The following MANBAL variants were observed in gnomAD, a reference collection of about 807,000 sequenced individuals.
The protein encoded by MANBAL is mannosidase beta like, also known as protein MANBAL.
In MANBAL, 1 loss-of-function variant was observed where a neutral mutation model predicts 6.4. The ratio of observed to expected loss-of-function variants is 0.16; its 90% confidence interval spans 0.06 to 0.74. The LOEUF is 0.74. Among genes scored for constraint, MANBAL ranks in the 30% least tolerant of loss-of-function variants. The probability of loss-of-function intolerance (pLI) is 0.78; values close to 1 mark genes in which losing one functional copy is unlikely to be tolerated. For synonymous variants in MANBAL, 47 were observed against 45.8 expected (o/e 1.03, Z -0.10); for missense variants, 100 against 107.8 (o/e 0.93, Z 0.32).
At chr20:37,314,603 C>T (rs1176674998) in intron 2 of MANBAL, among the ~76,000 whole-genome samples, 5 of 152,142 alleles carry the variant, frequency 3.3e-5, no homozygotes, top group Non-Finnish European at 7.4e-5. Context: ...ACCTTCAGAT[C>T]ATTTTGATTT....
chr20:37,296,092 G>C (rs960266794), intron 1 of MANBAL, among the ~76,000 whole-genome samples: 16 of 152,220 alleles, frequency 1.1e-4, no homozygotes, highest in African/African-American at 3.9e-4. Flanking sequence ...TTGGCCACAT[G>C]TGGCTTTTTA....
Position 37,304,824 on chromosome 20 carries a change from G to A in MANBAL, c.150+3411G>A, listed in dbSNP as rs531504531. On this transcript the variant is annotated intron_variant, in intron 2 of 2. Transcript: ENST00000373606. ...TCTGGGTGGTTCTGTCAAAAAAGCC[G>A]GTGGATTTACAAGGTCTCTAGCAGG... Among the ~76,000 whole-genome samples, 9 of 152,280 alleles carry A rather than the reference G, an allele frequency of 5.9e-5. No homozygotes were observed. The South Asian group carries it at 8.3e-4, about 14-fold the overall frequency.
At chr20:37,299,910 A>G (rs1359455415) in intron 1 of MANBAL, among the ~76,000 whole-genome samples, 1 of 152,070 alleles carries the variant, frequency 6.6e-6, no homozygotes, top group Admixed American at 6.5e-5. Context: ...CTTGACTAGG[A>G]TATTAGGAGT....
chr20:37,304,525 C>G lies in MANBAL; in HGVS notation c.150+3112C>G, dbSNP rs180901007. Among the ~76,000 whole-genome samples, 3 of 152,146 alleles carry G rather than the reference C, an allele frequency of 2.0e-5. No homozygotes were observed. The South Asian group carries it at 6.2e-4, about 32-fold the overall frequency. Reference sequence around the variant, plus strand: ...TGGTGTGTACATATATATTTATATTCCCCCCTTCATTAAATAAAAGATAGC... The same window carrying G: ...TGGTGTGTACATATATATTTATATTGCCCCCTTCATTAAATAAAAGATAGC... On this transcript the variant is annotated intron_variant, in intron 2 of 2. Coordinates refer to ENST00000373606, the MANE Select transcript of MANBAL (RefSeq NM_001003897.2).
chr20:37,303,493 T>C (rs1329671111), intron 2 of MANBAL, among the ~76,000 whole-genome samples: 1 of 152,230 alleles, frequency 6.6e-6, no homozygotes, highest in Non-Finnish European at 1.5e-5. Context: ...TAGTGTCTTG[T>C]AACTCTTTAT....
At chr20:37,304,033 A>G (rs2069202206) in intron 2 of MANBAL, among the ~76,000 whole-genome samples, 1 of 152,228 alleles carries the variant, frequency 6.6e-6, no homozygotes, top group Admixed American at 6.5e-5. Context: ...AGCAATTTAT[A>G]TTAACTTTAT....
chr20:37,290,870 A>G (rs1162258728), intron 1 of MANBAL, among the ~76,000 whole-genome samples: 3 of 152,154 alleles, frequency 2.0e-5, no homozygotes, highest in South Asian at 2.1e-4. Flanking sequence ...GGACCTCCCA[A>G]AGTGTTTGGG....
chr20:37,294,101 A>G (rs2068937386), intron 1 of MANBAL, among the ~76,000 whole-genome samples: 1 of 152,200 alleles, frequency 6.6e-6, no homozygotes, highest in Admixed American at 6.5e-5. Context: ...ATGTCTTTTT[A>G]AAAATATTTG....
chr20:37,312,851 C>T (rs2069419189), intron 2 of MANBAL, among the ~76,000 whole-genome samples: 1 of 152,126 alleles, frequency 6.6e-6, no homozygotes, highest in African/African-American at 2.4e-5. Flanking sequence ...ATAATTTAGG[C>T]CAGGGTATGT....
At chr20:37,296,587 G>T (rs1382324089) in intron 1 of MANBAL, among the ~76,000 whole-genome samples, 2 of 152,270 alleles carry the variant, frequency 1.3e-5, no homozygotes, top group East Asian at 1.9e-4. Flanking sequence ...CTTCCTGATT[G>T]TTGGACGCCT....
chr20:37,298,994 G>C (rs992017269), intron 1 of MANBAL: 3 of 150,496 alleles, frequency 2.0e-5, no homozygotes, highest in African/African-American at 7.3e-5. Flanking sequence ...GCCTTGGCCT[G>C]TCAAAGTGTT....
intron 1 of MANBAL, among the ~76,000 whole-genome samples, chr20:37,293,760 A>G (rs536305377): frequency 6.6e-6 from 1 of 152,220 alleles, no homozygotes; most frequent in South Asian, 2.1e-4. Flanking sequence ...GTGGGAAACA[A>G]CTTATCAGCT....
At position 37,299,812 on chromosome 20, in the gene MANBAL, A is replaced by G. The variant is rs114336462; in HGVS notation, c.-56-1396A>G. Among the ~76,000 whole-genome samples the G allele has an allele frequency of 8.1e-4, 123 of 152,352 alleles. 1 individual carries two copies. Among genetic ancestry groups the G allele is most frequent in the Admixed American group, 1.8e-3 (28 of 15,308 alleles). On this transcript the variant is annotated intron_variant, in intron 1 of 2. Coordinates refer to ENST00000373606, the MANE Select transcript of MANBAL (RefSeq NM_001003897.2). ...TGTCAAGCAGTCACAGTGGGAAAGGACATTCTTTGCAGAGTATGCAGCTTG... is the reference window on the plus strand; with the variant it reads ...TGTCAAGCAGTCACAGTGGGAAAGGGCATTCTTTGCAGAGTATGCAGCTTG...
At chr20:37,296,972 TTAG>T (rs537042860) in intron 1 of MANBAL, 1 of 152,220 alleles carries the variant, frequency 6.6e-6, no homozygotes, top group Non-Finnish European at 1.5e-5. Flanking sequence ...AATGTTGCTG[TTAG>T]TAGTAACACT....
chr20:37,302,341 C>G, intron 2 of MANBAL: 1 of 1,550,516 alleles, frequency 6.4e-7, no homozygotes, highest in South Asian at 1.2e-5. Flanking sequence ...TACCTCAGAG[C>G]TGGTGCTATG....
chr20:37,296,602 T>C (rs1474573088), intron 1 of MANBAL, among the ~76,000 whole-genome samples: 1 of 152,222 alleles, frequency 6.6e-6, no homozygotes. Flanking sequence ...ACGCCTGGGT[T>C]GCTTCCTGTT....
chr20:37,315,142 C>T (rs2069479741), intron 2 of MANBAL, among the ~76,000 whole-genome samples: 1 of 152,218 alleles, frequency 6.6e-6, no homozygotes, highest in Admixed American at 6.5e-5. Flanking sequence ...TCCTCAGCCC[C>T]TCACTGCCAT....
rs1485511213 is a variant in MANBAL at position 37,316,458 on chromosome 20, G to A, written c.*43G>A. ...GCTGGGCGGGCAGGGAGAGGGTCTT[G>A]GGGACAGCCCTCCTGGGAATCTACA... On this transcript the variant is annotated 3_prime_UTR_variant, in exon 3 of 3. Coordinates refer to ENST00000373606, the MANE Select transcript of MANBAL (RefSeq NM_001003897.2). 1 of 1,551,030 alleles carries A rather than the reference G, an allele frequency of 6.4e-7. No individual in the cohort carries two copies. Among genetic ancestry groups the A allele is most frequent in the African/African-American group, 1.4e-5 (1 of 73,126 alleles).
intron 1 of MANBAL, among the ~76,000 whole-genome samples, chr20:37,292,086 G>C (rs189605091): frequency 1.3e-5 from 2 of 152,122 alleles, no homozygotes; most frequent in Non-Finnish European, 2.9e-5. Context: ...TAGTAGTCAG[G>C]CTTTTCCAGT....
Sources: allele counts gnomAD v4.1 joint callset (sites outside exome capture counted in the v4.1 genomes callset), GRCh38; gene constraint gnomAD v4.1.1; transcripts MANE v1.5; gene names NCBI Gene and HGNC (gene_info 2026-07-23, HGNC 2026-07-21).